GOT2: variants seen among roughly 807,000 people sequenced by gnomAD.
GOT2 encodes glutamic-oxaloacetic transaminase 2.
In GOT2, 17 loss-of-function variants were observed where a neutral mutation model predicts 50.0. The ratio of observed to expected loss-of-function variants is 0.34; its 90% CI spans 0.23 to 0.51. GOT2 has a LOEUF of 0.51. GOT2 is among the 20% of genes least tolerant of loss of function. The probability of loss-of-function intolerance (pLI) is 0.97; values close to 1 mark genes in which losing one functional copy is unlikely to be tolerated. For missense variants in GOT2, 430 were observed against 559.6 expected, an observed-to-expected ratio of 0.77 and a Z score of 2.34; for synonymous variants, 172 against 204.9, an observed-to-expected ratio of 0.84 and a Z score of 1.37.
intron 8 of GOT2, among the ~76,000 whole-genome samples, chr16:58,714,396 C>CT (rs1292569761): frequency 6.6e-6 from 1 of 151,812 alleles, no homozygotes; most frequent in Non-Finnish European, 1.5e-5. Flanking sequence ...ACTAAAAATA[C>CT]AAAAAATTAG....
chr16:58,723,060 C>A (rs1386149333), intron 2 of GOT2, among the ~76,000 whole-genome samples: 1 of 152,194 alleles, frequency 6.6e-6, no homozygotes, highest in Non-Finnish European at 1.5e-5. Flanking sequence ...GTTATTTAGC[C>A]TTCCTGAGCC....
chr16:58,730,800 C>A (rs960408718), intron 1 of GOT2, among the ~76,000 whole-genome samples: 12 of 152,224 alleles, frequency 7.9e-5, no homozygotes, highest in Middle Eastern at 3.4e-3. Flanking sequence ...TTAAAGGAAT[C>A]GAGTAGATGA....
chr16:58,730,868 T>C (rs760432657), intron 1 of GOT2, among the ~76,000 whole-genome samples: 17 of 152,150 alleles, frequency 1.1e-4, no homozygotes, highest in Admixed American at 2.0e-4. Flanking sequence ...TAGAAAGTGA[T>C]TTCTATCAGT....
At chr16:58,708,627 A>C (rs200944086) in intron 9 of GOT2, among the ~76,000 whole-genome samples, 3 of 17,570 alleles carry the variant, frequency 1.7e-4, no homozygotes, top group African/African-American at 5.3e-4. Flanking sequence ...TCAAAAAAAG[A>C]AAAAAAAAAA....
intron 6 of GOT2, among the ~76,000 whole-genome samples, chr16:58,717,326 G>A (rs1056129635): frequency 5.9e-5 from 9 of 152,070 alleles, no homozygotes; most frequent in African/African-American, 1.9e-4. Flanking sequence ...GCTGTGAGCT[G>A]TGACTGTGCC....
chr16:58,723,493 C>T (rs1035288798), intron 2 of GOT2, among the ~76,000 whole-genome samples: 1 of 152,110 alleles, frequency 6.6e-6, no homozygotes, highest in Non-Finnish European at 1.5e-5. Context: ...ATTTCTAAAG[C>T]GTATTTAATG....
chr16:58,720,652 C>T (rs957749588), intron 3 of GOT2, among the ~76,000 whole-genome samples: 1 of 150,984 alleles, frequency 6.6e-6, no homozygotes, highest in African/African-American at 2.4e-5. Context: ...AAACTTGGCT[C>T]ACTGCAACCT....
chr16:58,718,813 G>C, intron 4 of GOT2, 125 bp from the exon 5 acceptor site: 1 of 766,718 alleles, frequency 1.3e-6, no homozygotes, highest in East Asian at 2.7e-5. Context: ...TTGAGAAGCA[G>C]TATTGACTCA....
At chr16:58,721,915 G>A (rs779344270) in intron 3 of GOT2, 43 of 337,192 alleles carry the variant, frequency 1.3e-4, no homozygotes, top group Non-Finnish European at 2.0e-4. Context: ...TGAGTAGCTG[G>A]GATTACAGGC....
rs532327108 is a variant in GOT2, at chr16:58,716,199, C to G, written c.854-20G>C. ...GCTCACCTGAAAGACAAAAATGGAT[C>G]TCGTCTTCTACTTCTACTATCTAAT... On this transcript the variant is annotated intron_variant, in intron 7 of 9. Transcript: ENST00000245206. 1.2e-6 allele frequency: 2 copies of G among 1,610,330 alleles called. No homozygotes were observed. Among genetic ancestry groups the G allele is most frequent in the Non-Finnish European group, 8.5e-7 (1 of 1,177,508 alleles).
At chr16:58,710,816 A>C (rs369963098) in intron 8 of GOT2, among the ~76,000 whole-genome samples, 3 of 149,996 alleles carry the variant, frequency 2.0e-5, no homozygotes, top group East Asian at 3.9e-4. Context: ...AAATACAAAA[A>C]AATTAGCCGG....
chr16:58,716,564 ACAC>A, intron 7 of GOT2, 96 bp downstream of exon 7: 3 of 356,144 alleles, frequency 8.4e-6, no homozygotes, highest in South Asian at 3.8e-5. Context: ...GGATGGACAC[ACAC>A]ACACACACAC....
chr16:58,734,255 G>A lies in GOT2; in HGVS notation c.-27C>T. Reference sequence around the variant, plus strand: ...GTGGACCGTAGGAGGGCAGTGGGCAGCCGCAGGACGGAGCAGAGGGCGAGC... The same window carrying A: ...GTGGACCGTAGGAGGGCAGTGGGCAACCGCAGGACGGAGCAGAGGGCGAGC... On this transcript the variant is annotated 5_prime_UTR_variant, in exon 1 of 10. Coordinates refer to ENST00000245206, the MANE Select transcript of GOT2 (RefSeq NM_002080.4). 4.9e-6 allele frequency: 6 copies of A among 1,229,480 alleles called. No homozygotes were observed. Among genetic ancestry groups the A allele is most frequent in the Non-Finnish European group, 6.3e-6 (6 of 954,308 alleles). The allele number at this position is 1,229,480 out of a possible 1,614,324, so 76.2% of individuals were successfully genotyped here.
chr16:58,719,541 T>TGAGGTCAG (rs1338943833), intron 3 of GOT2, among the ~76,000 whole-genome samples: 2 of 152,194 alleles, frequency 1.3e-5, no homozygotes, highest in African/African-American at 4.8e-5. Context: ...GTGGATCACC[T>TGAGGTCAG]GAGGTCAGGA....
chr16:58,720,549 A>G (rs1415122047), intron 3 of GOT2, among the ~76,000 whole-genome samples: 1 of 151,774 alleles, frequency 6.6e-6, no homozygotes, highest in African/African-American at 2.4e-5. Flanking sequence ...TGTAGGTCCG[A>G]TGATACTACG....
intron 8 of GOT2, among the ~76,000 whole-genome samples, chr16:58,711,876 A>G (rs967726517): frequency 6.6e-6 from 1 of 152,152 alleles, no homozygotes; most frequent in Admixed American, 6.5e-5. Flanking sequence ...TGGAGAATCA[A>G]GTGTTGACTT....
chr16:58,733,937 T>A (rs1371045322), intron 1 of GOT2: 1 of 398,042 alleles, frequency 2.5e-6, no homozygotes, highest in African/African-American at 2.1e-5. Context: ...GGATGTGGGA[T>A]CCTGAGGATC....
chr16:58,708,407 C>G, intron 9 of GOT2, 114 bp from the exon 10 acceptor site: 1 of 1,021,352 alleles, frequency 9.8e-7, no homozygotes, highest in Admixed American at 2.6e-5. Context: ...AAAACCTGTT[C>G]CCAGAATTTG....
At chr16:58,715,890 T>C in intron 8 of GOT2, 124 bp downstream of exon 8, 2 of 766,028 alleles carry the variant, frequency 2.6e-6, no homozygotes, top group African/African-American at 3.6e-5. Context: ...TTTTGCTTCC[T>C]TCCCTGCCTT....
Sources: allele counts gnomAD v4.1 joint callset (sites outside exome capture counted in the v4.1 genomes callset), GRCh38; gene constraint gnomAD v4.1.1; transcripts MANE v1.5; gene names NCBI Gene and HGNC (gene_info 2026-07-23, HGNC 2026-07-21).